The following CDK12 variants were observed in gnomAD, a reference collection of about 807,000 sequenced individuals.
The protein encoded by CDK12 is cyclin dependent kinase 12, also known as cyclin-dependent kinase 12.
In CDK12, 17 loss-of-function variants were observed where a neutral mutation model predicts 133.8. The ratio of observed to expected loss-of-function variants is 0.13; its 90% CI spans 0.09 to 0.19. The LOEUF (loss-of-function observed/expected upper bound fraction) is 0.19, where lower values mean the gene tolerates loss of function less well. Ranked by LOEUF, CDK12 falls within the 10% of genes least tolerant of loss-of-function variation. The pLI is 1.00. For missense variants in CDK12, 1,508 were observed against 1,818.7 expected, an observed-to-expected ratio of 0.83 and a Z score of 3.11; for synonymous variants, 694 against 683.6, an observed-to-expected ratio of 1.02 and a Z score of -0.24.
chr17:39,531,175 G>A lies in CDK12; in HGVS notation c.4332G>A (p.Gly1444=). The A allele has an allele frequency of 6.6e-7, 1 of 1,524,240 alleles. No individual in the cohort carries two copies. The highest frequency in any genetic ancestry group is 8.8e-7 in the Non-Finnish European group (1 of 1,137,494). The allele number at this position is 1,524,240 out of a possible 1,614,324, so 94.4% of individuals were successfully genotyped here. The part of the protein sequence containing the change: ...ETKLQNYGEL[G]PGTTGASSSG... ...AATTGCAAAACTATGGGGAGCTGGG[G>A]CCAGGAACCACTGGGGCCAGCAGCT... The change falls in exon 14 of 14, where the codon GGG becomes GGA. Residue 1444 remains glycine, a synonymous_variant. Transcript: ENST00000447079.
chr17:39,470,368 G>A (rs984197390), intron 1 of CDK12, among the ~76,000 whole-genome samples: 4 of 151,876 alleles, frequency 2.6e-5, no homozygotes, highest in Non-Finnish European at 4.4e-5. Flanking sequence ...TGATCTGCCC[G>A]CCTCAGCCTC....
At chr17:39,486,254 T>A (rs1047871461) in intron 2 of CDK12, among the ~76,000 whole-genome samples, 6 of 9,196 alleles carry the variant, frequency 6.5e-4, no homozygotes, top group African/African-American at 1.9e-3. Flanking sequence ...ACCCTGCCTC[T>A]TTTTTTTTTT....
rs531741634 is a variant in CDK12 at position 39,461,547 on chromosome 17, G to C, written c.-525G>C. 39 of 249,628 alleles carry C rather than the reference G, an allele frequency of 1.6e-4. No individual in the cohort carries two copies. Among genetic ancestry groups the C allele is most frequent in the Non-Finnish European group, 2.7e-4 (34 of 126,064 alleles). The allele number at this position is 249,628 out of a possible 1,614,324, so 15.5% of individuals were successfully genotyped here. A position where few individuals can be genotyped will look rare whatever the true frequency, so the allele number is the denominator to read the frequency against. ...TCTGTGTGAGGGAGAGAGTGTGTGT[G>C]GTGTGGAGGTGAAACGGAGGCAAGA... On this transcript the variant is annotated 5_prime_UTR_variant, in exon 1 of 14. Coordinates refer to ENST00000447079, the MANE Select transcript of CDK12 (RefSeq NM_016507.4).
intron 2 of CDK12, among the ~76,000 whole-genome samples, chr17:39,485,021 TTAGCCAGGCG>T (rs376176454): frequency 7.8e-4 from 119 of 151,860 alleles, no homozygotes; most frequent in African/African-American, 2.8e-3. Context: ...ATACAAAAAA[TTAGCCAGGCG>T]TGATGGTGGG....
intron 3 of CDK12, among the ~76,000 whole-genome samples, chr17:39,563,152 G>A (rs1468073196): frequency 6.6e-6 from 1 of 151,820 alleles, no homozygotes; most frequent in Non-Finnish European, 1.5e-5. Context: ...ATTCTACTGC[G>A]ATCCAAAACA....
intron 10 of CDK12, 135 bp downstream of exon 10, chr17:39,517,691 ACAGT>A (rs1199420492): frequency 5.0e-5 from 31 of 617,950 alleles, no homozygotes; most frequent in Admixed American, 1.2e-4. Flanking sequence ...TTAGTTTCGA[ACAGT>A]ATATGAGTTT....
downstream of CDK12, among the ~76,000 whole-genome samples, chr17:39,538,694 C>T (rs574307222): frequency 2.0e-5 from 3 of 152,196 alleles, no homozygotes; most frequent in East Asian, 1.9e-4. Context: ...GTCAGGAGAT[C>T]GAGACCATTC....
intron 2 of CDK12, among the ~76,000 whole-genome samples, chr17:39,482,598 C>CTTTTTTTTTTTT (rs1440834572): frequency 6.0e-4 from 32 of 53,492 alleles, no homozygotes; most frequent in Middle Eastern, 0.013. Flanking sequence ...CAATCAACTA[C>CTTTTTTTTTTTT]ATTTTTTTTT....
chr17:39,519,872 G>A lies in CDK12; in HGVS notation c.2964-84G>A, dbSNP rs1163669879. On this transcript the variant is annotated intron_variant, in intron 10 of 13. Coordinates refer to ENST00000447079, the MANE Select transcript of CDK12 (RefSeq NM_016507.4). ...GCCTCCCAAAGTGCTGGAATTACAG[G>A]TGTGAGACCCTTTGAAACAAAATTA... 3.3e-6 allele frequency: 5 copies of A among 1,527,952 alleles called. No individual in the cohort carries two copies. Among genetic ancestry groups the A allele is most frequent in the Non-Finnish European group, 3.6e-6 (4 of 1,112,850 alleles). 94.6% of individuals were successfully genotyped at this position (1,527,952 alleles called of 1,614,324 possible). A position where few individuals can be genotyped will look rare whatever the true frequency, so the allele number is the denominator to read the frequency against.
chr17:39,529,757 G>C (rs1463364228), intron 13 of CDK12: 3 of 152,146 alleles, frequency 2.0e-5, no homozygotes, highest in Admixed American at 2.0e-4. Context: ...TAAAGACAGA[G>C]TATAGTATGA....
intron 5 of CDK12, among the ~76,000 whole-genome samples, chr17:39,495,398 T>G (rs866852917): frequency 0.51 from 65,746 of 129,540 alleles, 16,967 homozygotes; most frequent in South Asian, 0.78. Flanking sequence ...TTTTTTTTTT[T>G]TTTTTTTTTT....
In CDK12 at chr17:39,490,752, C is replaced by A. The variant is rs570027200; in HGVS notation, c.2108+19C>A. ...GACCAAAGTGAGTTTTTGGAGGAAT[C>A]TGTCTTTCATGATAGTTTTCTCCCT... On this transcript the variant is annotated intron_variant, in intron 3 of 13. Coordinates refer to ENST00000447079, the MANE Select transcript of CDK12 (RefSeq NM_016507.4). The A allele has an allele frequency of 6.4e-7, 1 of 1,571,374 alleles. No individual in the cohort carries two copies. The highest frequency in any genetic ancestry group is 2.3e-5 in the East Asian group (1 of 44,418).
intron 5 of CDK12, among the ~76,000 whole-genome samples, chr17:39,496,503 C>T (rs925834870): frequency 3.9e-5 from 6 of 152,008 alleles, no homozygotes; most frequent in Non-Finnish European, 8.8e-5. Flanking sequence ...AGTTTGAGAT[C>T]AGCCTGGCCA....
rs2054992892 is a variant in CDK12 at position 39,533,635 on chromosome 17, T to G, written c.*2319T>G. 4.3e-6 allele frequency: 1 copy of G among 233,004 alleles called. No individual in the cohort carries two copies. Among genetic ancestry groups the G allele is most frequent in the African/African-American group, 2.2e-5 (1 of 45,316 alleles). 14.4% of individuals were successfully genotyped at this position (233,004 alleles called of 1,614,324 possible). A position where few individuals can be genotyped will look rare whatever the true frequency, so the allele number is the denominator to read the frequency against. On this transcript the variant is annotated 3_prime_UTR_variant, in exon 14 of 14. Transcript: ENST00000447079. ...TAATTATGCCAAATATCCTAAATAA[T>G]ATACTTAAGCCTCCATTCCCTCATC...
chr17:39,528,747 A>G lies in CDK12; in HGVS notation c.3761-1857A>G, dbSNP rs139980736. Among the ~76,000 whole-genome samples, 418 of 152,388 alleles carry G rather than the reference A, an allele frequency of 2.7e-3. 6 individuals are homozygous for G. In the South Asian group the frequency reaches 0.036, roughly 13 times the overall value. ...TTTACATAAAAGGCACAGTTTGAAT[A>G]CAAAAAAATGGCATAGCTGGAAGAA... On this transcript the variant is annotated intron_variant, in intron 13 of 13. Transcript: ENST00000447079.
At chr17:39,536,743 TATCTC>T (rs1598208836), downstream of CDK12, among the ~76,000 whole-genome samples, 1 of 152,194 alleles carries the variant, frequency 6.6e-6, no homozygotes, top group African/African-American at 2.4e-5. Flanking sequence ...ATTTCTCTCA[TATCTC>T]TTATCTCAAA....
chr17:39,507,153 C>A (rs540488392), intron 6 of CDK12, among the ~76,000 whole-genome samples: 1 of 151,796 alleles, frequency 6.6e-6, no homozygotes, highest in South Asian at 2.1e-4. Context: ...GCCTCGGTCT[C>A]CCAAAGTGTT....
At chr17:39,516,311 T>C (rs557283259) in intron 9 of CDK12, among the ~76,000 whole-genome samples, 20 of 152,274 alleles carry the variant, frequency 1.3e-4, no homozygotes, top group African/African-American at 4.8e-4. Context: ...GTTTTTGTTT[T>C]GTTTTTTTCA....
chr17:39,540,849 C>G (rs1378451224), intron 1 of CDK12, among the ~76,000 whole-genome samples: 1 of 152,170 alleles, frequency 6.6e-6, no homozygotes, highest in Non-Finnish European at 1.5e-5. Context: ...TCAGCCAAGT[C>G]CTCTCTGTTT....
Sources: allele counts gnomAD v4.1 joint callset (sites outside exome capture counted in the v4.1 genomes callset), GRCh38; gene constraint gnomAD v4.1.1; transcripts MANE v1.5; gene names NCBI Gene and HGNC (gene_info 2026-07-23, HGNC 2026-07-21).